Variants in DLGAP2 observed in about 807,000 individuals in gnomAD.
The protein encoded by DLGAP2 is DLG associated protein 2, also known as disks large-associated protein 2.
A neutral mutation model predicts 100.3 loss-of-function variants in DLGAP2; 26 were observed. That is an observed-to-expected ratio of 0.26 (90% confidence interval 0.19 to 0.36). The LOEUF (loss-of-function observed/expected upper bound fraction) is 0.36, where lower values mean the gene tolerates loss of function less well. Ranked by LOEUF, DLGAP2 falls within the 10% of genes least tolerant of loss-of-function variation. The pLI, the probability that DLGAP2 is intolerant of heterozygous loss-of-function variation, is 1.00. For missense variants in DLGAP2, 1,858 were observed against 1,453.2 expected (o/e 1.28, Z -4.53); for synonymous variants, 886 against 630.1 (o/e 1.41, Z -6.08).
intron 2 of DLGAP2, among the ~76,000 whole-genome samples, chr8:1,118,026 CA>C (rs1482063651): frequency 6.6e-6 from 1 of 152,182 alleles, no homozygotes; most frequent in Non-Finnish European, 1.5e-5. Flanking sequence ...GATATGCTTT[CA>C]AAAGTTGTAT....
chr8:1,197,747 C>T (rs941422634), intron 2 of DLGAP2, among the ~76,000 whole-genome samples: 2 of 152,156 alleles, frequency 1.3e-5, no homozygotes, highest in East Asian at 1.9e-4. Context: ...ACCTGAGCCA[C>T]GCCAATGTTG....
chr8:1,341,608 G>A (rs1425848756), intron 3 of DLGAP2, among the ~76,000 whole-genome samples: 9 of 152,250 alleles, frequency 5.9e-5, no homozygotes, highest in Non-Finnish European at 1.0e-4. Context: ...GTTCTGTGTC[G>A]TTTTCCCCAT....
intron 1 of DLGAP2, among the ~76,000 whole-genome samples, chr8:824,039 TC>T: frequency 1.2e-5 from 1 of 82,390 alleles, no homozygotes; most frequent in East Asian, 2.0e-4. Flanking sequence ...TTTTTTTTCT[TC>T]TTCTTTTTTT....
intron 2 of DLGAP2, among the ~76,000 whole-genome samples, chr8:1,191,025 C>T (rs1797623255): frequency 6.6e-6 from 1 of 152,166 alleles, no homozygotes; most frequent in Admixed American, 6.5e-5. Flanking sequence ...GACCTGAGTC[C>T]AGCAGGTCCA....
chr8:789,667 A>G (rs1479096357), intron 1 of DLGAP2, among the ~76,000 whole-genome samples: 2 of 152,232 alleles, frequency 1.3e-5, no homozygotes, highest in African/African-American at 2.4e-5. Context: ...AGTGGAAGCT[A>G]TCACACTGTC....
rs1465981485 is a variant in DLGAP2, at chr8:1,373,998, C to T, written c.106+115115C>T. On this transcript the variant is annotated intron_variant, in intron 3 of 14. Coordinates refer to ENST00000637795, the MANE Select transcript of DLGAP2 (RefSeq NM_001346810.2). ...TAACCCAATAGATCACAAAATGCAA[C>T]CTGAGGTTTAAGCTGAGGGGTGGGG... 7.9e-5 allele frequency among the ~76,000 whole-genome samples: 12 copies of T among 151,354 alleles called. 1 individual carries two copies. In the Admixed American group the frequency reaches 7.9e-4, roughly 10 times the overall value.
In DLGAP2 at chr8:1,549,033, G is replaced by T; in HGVS notation, c.580G>T (p.Asp194Tyr). 2 of 1,595,142 alleles carry T rather than the reference G, an allele frequency of 1.3e-6. No homozygotes were observed. Among genetic ancestry groups the T allele is most frequent in the Non-Finnish European group, 1.7e-6 (2 of 1,176,040 alleles). ...KINRIPANLL[D>Y]QFEKQLPLHR... The stretch of plus-strand genomic sequence containing the variant: ...CAACCGCATCCCGGCCAACCTGCTG[G>T]ACCAGTTCGAGAAGCAGCTGCCGCT... Residue 194 changes from aspartate (D) to tyrosine (Y), a missense_variant, in exon 5 of 15, where the codon GAC becomes TAC. Coordinates refer to ENST00000637795, the MANE Select transcript of DLGAP2 (RefSeq NM_001346810.2).
intron 1 of DLGAP2, among the ~76,000 whole-genome samples, chr8:779,992 C>T (rs1044779181): frequency 3.3e-5 from 5 of 152,080 alleles, no homozygotes; most frequent in African/African-American, 1.2e-4. Flanking sequence ...CACCAACTTA[C>T]CATTTTTTCT....
intron 2 of DLGAP2, among the ~76,000 whole-genome samples, chr8:1,031,617 C>T (rs1801974687): frequency 6.6e-6 from 1 of 151,884 alleles, no homozygotes; most frequent in Admixed American, 6.6e-5. Context: ...CATCATGTTG[C>T]CCAAGCCGGT....
At chr8:1,146,709 A>G (rs1796614998) in intron 2 of DLGAP2, among the ~76,000 whole-genome samples, 1 of 152,014 alleles carries the variant, frequency 6.6e-6, no homozygotes, top group Admixed American at 6.5e-5. Flanking sequence ...GGGGGGCTAC[A>G]TTCATTCCTT....
intron 3 of DLGAP2, among the ~76,000 whole-genome samples, chr8:1,354,473 G>A (rs78126884): frequency 4.1e-4 from 63 of 152,298 alleles, no homozygotes; most frequent in East Asian, 5.8e-4. Context: ...ATATTGAGCC[G>A]CTGCACTCCA....
chr8:1,267,627 T>TAAAAA (rs61003863), intron 3 of DLGAP2, among the ~76,000 whole-genome samples: 2 of 39,422 alleles, frequency 5.1e-5, no homozygotes, highest in African/African-American at 3.7e-4. Flanking sequence ...ATAAGATAAA[T>TAAAAA]ATTAAATAGG....
At chr8:1,437,539 G>C (rs556977523) in intron 3 of DLGAP2, among the ~76,000 whole-genome samples, 4 of 152,288 alleles carry the variant, frequency 2.6e-5, no homozygotes, top group South Asian at 2.1e-4. Context: ...CTTAGTTCAC[G>C]TGGATGGATG....
At chr8:839,594 C>A (rs1397104516) in intron 1 of DLGAP2, among the ~76,000 whole-genome samples, 1 of 152,082 alleles carries the variant, frequency 6.6e-6, no homozygotes, top group African/African-American at 2.4e-5. Flanking sequence ...AAGAGTCTGG[C>A]CAAAGGGTAC....
At chr8:1,595,817 A>C (rs975260301) in intron 6 of DLGAP2, among the ~76,000 whole-genome samples, 1 of 151,966 alleles carries the variant, frequency 6.6e-6, no homozygotes, top group African/African-American at 2.4e-5. Context: ...GTCTGAACTA[A>C]GTGCTAAATG....
intron 2 of DLGAP2, among the ~76,000 whole-genome samples, chr8:1,256,970 G>A (rs1187008106): frequency 3.3e-5 from 5 of 152,054 alleles, no homozygotes; most frequent in Non-Finnish European, 5.9e-5. Context: ...ACAGAGCAGT[G>A]TGGCCCTGGG....
chr8:1,453,599 G>A (rs947437785), intron 3 of DLGAP2, among the ~76,000 whole-genome samples: 4 of 152,086 alleles, frequency 2.6e-5, no homozygotes, highest in Admixed American at 1.3e-4. Context: ...CTTACAGAAC[G>A]TCTCTTGGGG....
chr8:1,668,357 G>A lies in DLGAP2; in HGVS notation c.1839G>A (p.Thr613=), dbSNP rs578172793. 2.0e-5 allele frequency: 30 copies of A among 1,532,602 alleles called. No homozygotes were observed. The highest frequency in any genetic ancestry group is 2.3e-5 in the East Asian group (1 of 43,016). The allele number at this position is 1,532,602 out of a possible 1,614,324, so 94.9% of individuals were successfully genotyped here. A position where few individuals can be genotyped will look rare whatever the true frequency, so the allele number is the denominator to read the frequency against. The part of the protein sequence containing the change: ...AAVSYTNYKK[T]PPPVPPRTTS... ...TCTCATATACAAATTACAAGAAAAC[G>A]CCCCCACCGGTGCCCCCTCGGACCA... is the stretch of plus-strand genomic sequence containing the variant. The change falls in exon 9 of 15, where the codon ACG becomes ACA. Residue 613 remains threonine, a synonymous_variant. Coordinates refer to ENST00000637795, the MANE Select transcript of DLGAP2 (RefSeq NM_001346810.2).
At chr8:1,328,821 T>C (rs1387021005) in intron 3 of DLGAP2, among the ~76,000 whole-genome samples, 8 of 152,226 alleles carry the variant, frequency 5.3e-5, no homozygotes, top group Admixed American at 4.6e-4. Flanking sequence ...TGCAGAGCTG[T>C]GTTTCTGAGA....
Sources: gnomAD v4.1 joint callset for allele counts (sites outside exome capture counted in the v4.1 genomes callset) on GRCh38, gnomAD v4.1.1 for gene constraint, MANE v1.5 for transcripts, NCBI Gene and HGNC (gene_info 2026-07-23, HGNC 2026-07-21) for gene names.